Variants in GSK3B observed in about 807,000 individuals in gnomAD.
GSK3B encodes glycogen synthase kinase-3 beta.
Under a neutral mutation model 56.4 loss-of-function variants are expected in GSK3B, and 15 were observed. The observed-to-expected ratio is 0.27, with a 90% CI of 0.18 to 0.41. The LOEUF is 0.41. GSK3B is among the 10% of genes least tolerant of loss of function. The probability of loss-of-function intolerance (pLI) is 1.00; values close to 1 mark genes in which losing one functional copy is unlikely to be tolerated. For missense variants in GSK3B, 300 were observed against 513.4 expected (o/e 0.58, Z 4.02); for synonymous variants, 181 against 188.9 (o/e 0.96, Z 0.34).
At chr3:119,840,310 C>A (rs971686636) in intron 10 of GSK3B, among the ~76,000 whole-genome samples, 1 of 151,784 alleles carries the variant, frequency 6.6e-6, no homozygotes, top group Admixed American at 6.6e-5. Context: ...TTGCAACCTC[C>A]GCCTCCCAGG....
chr3:120,060,553 C>A (rs1468004234), intron 1 of GSK3B, among the ~76,000 whole-genome samples: 1 of 151,820 alleles, frequency 6.6e-6, no homozygotes. Context: ...ATAGGGAGAC[C>A]CCGTCTCTAC....
intron 10 of GSK3B, among the ~76,000 whole-genome samples, chr3:119,842,312 G>C (rs1053395035): frequency 6.6e-6 from 1 of 151,964 alleles, no homozygotes; most frequent in African/African-American, 2.4e-5. Flanking sequence ...TCTAACCCGT[G>C]AATAATTTTT....
intron 3 of GSK3B, among the ~76,000 whole-genome samples, chr3:119,941,693 T>C (rs1456892866): frequency 6.6e-6 from 1 of 152,194 alleles, no homozygotes; most frequent in African/African-American, 2.4e-5. Context: ...ATAGGTAAAA[T>C]AGTAAATTAA....
intron 1 of GSK3B, among the ~76,000 whole-genome samples, chr3:120,078,557 T>C (rs949007523): frequency 1.1e-4 from 17 of 151,356 alleles, no homozygotes; most frequent in African/African-American, 3.9e-4. Flanking sequence ...TTTTTTTTTT[T>C]TTTCTTTTTT....
intron 8 of GSK3B, chr3:119,866,639 T>C (rs201695579): frequency 6.3e-7 from 1 of 1,583,688 alleles, no homozygotes; most frequent in Admixed American, 1.7e-5. Flanking sequence ...CTAAAGATGA[T>C]AATGCAGTGA....
intron 2 of GSK3B, among the ~76,000 whole-genome samples, chr3:119,993,641 A>G (rs1456828900): frequency 6.6e-6 from 1 of 152,208 alleles, no homozygotes; most frequent in African/African-American, 2.4e-5. Context: ...TATATTGTGG[A>G]TAACAGCAGC....
chr3:119,918,998 C>G (rs182678178), intron 4 of GSK3B, among the ~76,000 whole-genome samples: 50 of 152,040 alleles, frequency 3.3e-4, no homozygotes, highest in Admixed American at 2.6e-3. Context: ...GCATCCAACT[C>G]TCTTGTGTGA....
intron 10 of GSK3B, 98 bp from the exon 11 acceptor site, chr3:119,826,953 C>T (rs1294822084): frequency 2.7e-6 from 2 of 731,606 alleles, no homozygotes; most frequent in Admixed American, 2.4e-5. Context: ...AACTGTATGG[C>T]CTTCCAAGCT....
intron 3 of GSK3B, among the ~76,000 whole-genome samples, chr3:119,934,738 T>A (rs887768295): frequency 4.6e-5 from 7 of 152,186 alleles, no homozygotes; most frequent in African/African-American, 1.7e-4. Flanking sequence ...AAAAGCCCTA[T>A]TACTGTATTG....
intron 1 of GSK3B, among the ~76,000 whole-genome samples, chr3:120,064,702 A>G (rs1049170601): frequency 3.9e-5 from 6 of 152,208 alleles, no homozygotes; most frequent in Non-Finnish European, 8.8e-5. Flanking sequence ...GAATACCTAA[A>G]GCAATCTTGA....
intron 9 of GSK3B, among the ~76,000 whole-genome samples, chr3:119,854,386 T>C (rs1341389417): frequency 6.6e-6 from 1 of 152,180 alleles, no homozygotes; most frequent in Non-Finnish European, 1.5e-5. Flanking sequence ...TTCTCTTTTT[T>C]TGTTGTGTCT....
intron 10 of GSK3B, among the ~76,000 whole-genome samples, chr3:119,841,769 A>G (rs1225507799): frequency 6.6e-6 from 1 of 152,222 alleles, no homozygotes; most frequent in African/African-American, 2.4e-5. Flanking sequence ...TACTTTCTCA[A>G]GGTAGCATGT....
In GSK3B at chr3:120,012,765, C is replaced by T. The variant is rs570556665; in HGVS notation, c.89-10526G>A. 2.0e-5 allele frequency among the ~76,000 whole-genome samples: 3 copies of T among 152,282 alleles called. No homozygotes were observed. The East Asian group carries it at 5.8e-4, about 29-fold the overall frequency. On this transcript the variant is annotated intron_variant, in intron 1 of 10. Coordinates refer to ENST00000264235, the MANE Select transcript of GSK3B (RefSeq NM_001146156.2). ...GCTCACTCACTGTAACACTGAACTC[C>T]TGGGCTCAAGCAATCCTCCTGCCTC...
chr3:120,043,322 ACT>A (rs760890710), intron 1 of GSK3B, among the ~76,000 whole-genome samples: 6 of 152,092 alleles, frequency 3.9e-5, no homozygotes, highest in Non-Finnish European at 8.8e-5. Flanking sequence ...AAAAAGTTTA[ACT>A]CTCTTTCATC....
intron 7 of GSK3B, among the ~76,000 whole-genome samples, chr3:119,904,958 G>GTT (rs74674739): frequency 1.2e-4 from 17 of 137,802 alleles, no homozygotes; most frequent in African/African-American, 3.7e-4. Flanking sequence ...TAGACACTAG[G>GTT]TTTTTTTTTT....
intron 1 of GSK3B, among the ~76,000 whole-genome samples, chr3:120,008,712 A>T (rs1234528985): frequency 2.6e-5 from 4 of 152,350 alleles, no homozygotes; most frequent in African/African-American, 9.6e-5. Flanking sequence ...TCAACTCAAG[A>T]TGGATCAAAG....
chr3:119,894,546 T>A (rs535515627), intron 7 of GSK3B, among the ~76,000 whole-genome samples: 1 of 152,300 alleles, frequency 6.6e-6, no homozygotes, highest in East Asian at 1.9e-4. Context: ...TGGCCATTTG[T>A]GTATCTTCTT....
At chr3:120,014,186 T>G (rs986578213) in intron 1 of GSK3B, among the ~76,000 whole-genome samples, 1 of 150,442 alleles carries the variant, frequency 6.6e-6, no homozygotes, top group Admixed American at 6.6e-5. Flanking sequence ...AACAAAGATG[T>G]TGGGCTAGAC....
intron 6 of GSK3B, among the ~76,000 whole-genome samples, chr3:119,908,982 CA>C (rs34185024): frequency 1.3e-5 from 2 of 152,072 alleles, no homozygotes; most frequent in Non-Finnish European, 1.5e-5. Context: ...ATCAAAAAGA[CA>C]AAAAAACTGT....
Sources: gnomAD v4.1 joint callset for allele counts (sites outside exome capture counted in the v4.1 genomes callset) on GRCh38, gnomAD v4.1.1 for gene constraint, MANE v1.5 for transcripts, NCBI Gene and HGNC (gene_info 2026-07-23, HGNC 2026-07-21) for gene names.